Variants in JCAD observed in about 807,000 individuals in gnomAD.
The protein encoded by JCAD is junctional cadherin 5-associated protein.
Under a neutral mutation model 98.0 loss-of-function variants are expected in JCAD, and 40 were observed. The ratio of observed to expected loss-of-function variants is 0.41; its 90% CI spans 0.32 to 0.53. JCAD has a LOEUF of 0.53. Ranked by LOEUF, JCAD falls within the 20% of genes least tolerant of loss-of-function variation. JCAD has a pLI of 0.31. For synonymous variants in JCAD, 691 were observed against 682.3 expected (o/e 1.01, Z -0.20); for missense variants, 1,705 against 1,738.1 (o/e 0.98, Z 0.34).
chr10:30,025,992 C>T (rs1185744277), intron 3 of JCAD, 111 bp downstream of exon 3: 2 of 1,258,066 alleles, frequency 1.6e-6, no homozygotes, highest in African/African-American at 1.5e-5. Flanking sequence ...CCAGGGTCAA[C>T]TTGATCTTTT....
intron 1 of JCAD, among the ~76,000 whole-genome samples, chr10:30,049,932 GT>G (rs1375303209): frequency 2.0e-5 from 3 of 152,166 alleles, no homozygotes; most frequent in African/African-American, 7.2e-5. Flanking sequence ...TTGAAGAATG[GT>G]TAGGAGTTCA....
intron 1 of JCAD, among the ~76,000 whole-genome samples, chr10:30,071,737 C>G (rs1240315669): frequency 1.3e-5 from 2 of 152,064 alleles, no homozygotes; most frequent in Non-Finnish European, 2.9e-5. Context: ...AAGATCGCAC[C>G]ACTGAACTCC....
intron 2 of JCAD, among the ~76,000 whole-genome samples, chr10:30,034,506 T>C (rs1837073075): frequency 6.6e-6 from 1 of 152,180 alleles, no homozygotes; most frequent in South Asian, 2.1e-4. Context: ...AAATTATGTT[T>C]TGAGCATTTG....
rs1416507030 is a variant in JCAD at position 30,059,582 on chromosome 10, T to C, written c.-160A>G. On this transcript the variant is annotated 5_prime_UTR_variant, in exon 1 of 4. It removes an upstream start codon present in the reference 5' UTR. Transcript: ENST00000375377. The surrounding 1 kb of genome is among the most constrained non-coding windows in gnomAD (Gnocchi z 5.0). The stretch of plus-strand genomic sequence containing the variant: ...CGCCTGCAGCCGCCGAGGCCGAGCA[T>C]GCCCGGAGAACCGCCGTCCGCCCCG... 2.3e-5 allele frequency: 3 copies of C among 132,154 alleles called. No individual in the cohort carries two copies. The highest frequency in any genetic ancestry group is 8.1e-5 in the African/African-American group (2 of 24,570). The allele number at this position is 132,154 out of a possible 1,614,324, so 8.2% of individuals were successfully genotyped here. A position where few individuals can be genotyped will look rare whatever the true frequency, so the allele number is the denominator to read the frequency against.
intron 2 of JCAD, among the ~76,000 whole-genome samples, chr10:30,031,562 C>T (rs1348769773): frequency 1.3e-5 from 2 of 150,992 alleles, no homozygotes; most frequent in South Asian, 2.1e-4. Context: ...GTGCCTCAGC[C>T]TCCCGAGTAG....
chr10:30,084,220 GAAGA>G (rs1838132199), intron 1 of JCAD, among the ~76,000 whole-genome samples: 1 of 151,244 alleles, frequency 6.6e-6, no homozygotes, highest in African/African-American at 2.4e-5. Context: ...GGGAAGGAAG[GAAGA>G]AAGGAAGAAA....
rs761245473 is a variant in JCAD at position 30,028,678 on chromosome 10, C to G, written c.1470G>C (p.Leu490=). The G allele has an allele frequency of 1.2e-5, 19 of 1,607,092 alleles. No individual in the cohort carries two copies. In the South Asian group the frequency reaches 2.1e-4, roughly 18 times the overall value. ...ACCGGGGGCTGGAATCGGCCAAGAC[C>G]AGGCCTCTCTCATCCCCCGACGGGG... is the stretch of plus-strand genomic sequence containing the variant. ...LIPPSGDERG[L]VLADSSPRWL... is the part of the protein sequence containing the mutation. Residue 490 remains leucine, a synonymous_variant, in exon 3 of 4, where the codon CTG becomes CTC. Coordinates refer to ENST00000375377, the MANE Select transcript of JCAD (RefSeq NM_020848.4).
At chr10:30,036,462 A>C (rs1057221868) in intron 2 of JCAD, among the ~76,000 whole-genome samples, 3 of 151,330 alleles carry the variant, frequency 2.0e-5, no homozygotes, top group Admixed American at 6.5e-5. Context: ...AAAAAAAAAA[A>C]ACAAAAAAAA....
At chr10:30,075,808 A>C (rs769152105) in intron 1 of JCAD, among the ~76,000 whole-genome samples, 16 of 152,112 alleles carry the variant, frequency 1.1e-4, no homozygotes, top group Non-Finnish European at 2.2e-4. Context: ...ATATCCATGA[A>C]AGGGAGGAAG....
upstream of JCAD, among the ~76,000 whole-genome samples, chr10:30,063,988 G>C (rs1170557949): frequency 1.3e-5 from 2 of 152,050 alleles, no homozygotes; most frequent in African/African-American, 4.8e-5. Context: ...TGCATTTTTA[G>C]TAGAGTTGGG....
chr10:30,032,296 G>A (rs1160107324), intron 2 of JCAD, among the ~76,000 whole-genome samples: 1 of 152,122 alleles, frequency 6.6e-6, no homozygotes, highest in Non-Finnish European at 1.5e-5. Context: ...CCAAATATTT[G>A]GATTTAATTG....
At position 30,056,740 on chromosome 10, in the gene JCAD, G is replaced by A. The variant is rs1025991155; in HGVS notation, c.-60+2742C>T. Among the ~76,000 whole-genome samples the A allele has an allele frequency of 2.6e-5, 4 of 152,160 alleles. No individual in the cohort carries two copies. The East Asian group carries it at 7.7e-4, about 29-fold the overall frequency. Reference sequence around the variant, plus strand: ...AAGCATATCTATAGAAAGTTGTTGGGAAAGATATTTGGTTATAGATAATCC... The same window carrying A: ...AAGCATATCTATAGAAAGTTGTTGGAAAAGATATTTGGTTATAGATAATCC... On this transcript the variant is annotated intron_variant, in intron 1 of 3. Coordinates refer to ENST00000375377, the MANE Select transcript of JCAD (RefSeq NM_020848.4).
intron 1 of JCAD, among the ~76,000 whole-genome samples, chr10:30,076,753 G>A (rs982512295): frequency 8.5e-5 from 13 of 152,154 alleles, no homozygotes; most frequent in Non-Finnish European, 1.8e-4. Flanking sequence ...GCTGTGATGG[G>A]ACCAGCAGAC....
chr10:30,048,634 C>T (rs961106669), intron 1 of JCAD, among the ~76,000 whole-genome samples: 11 of 151,956 alleles, frequency 7.2e-5, no homozygotes, highest in Non-Finnish European at 1.0e-4. Flanking sequence ...GGCATGATCT[C>T]GACTGCCTGC....
chr10:30,033,156 C>T (rs1837037359), intron 2 of JCAD, among the ~76,000 whole-genome samples: 2 of 152,180 alleles, frequency 1.3e-5, no homozygotes, highest in Admixed American at 1.3e-4. Context: ...TGTGAAAGAG[C>T]TCTAAGCCAA....
Position 30,028,425 on chromosome 10 carries a change from T to C in JCAD, c.1723A>G (p.Met575Val). 1 of 1,614,138 alleles carries C rather than the reference T, an allele frequency of 6.2e-7. No individual in the cohort carries two copies. The highest frequency in any genetic ancestry group is 2.2e-5 in the East Asian group (1 of 44,892). ...ACCAAGCAAAATATAGTCTCGTTCATTTTTTTCTTTGAACTTTTCTTGGTC... is the reference window on the plus strand; with the variant it reads ...ACCAAGCAAAATATAGTCTCGTTCACTTTTTTCTTTGAACTTTTCTTGGTC... ...TRTKKSSKKK[M>V]NETIFCLVSI... Residue 575 changes from methionine to valine, a missense_variant, in exon 3 of 4, where the codon ATG (methionine) becomes GTG (valine). By Grantham distance (21) the Met-to-Val change is conservative. This residue lies in a region of JCAD where 1,278 missense variants were observed against 1,243.1 expected (regional missense o/e 1.03). Coordinates refer to ENST00000375377, the MANE Select transcript of JCAD (RefSeq NM_020848.4).
At chr10:30,095,097 C>G (rs1838347454) in intron 1 of JCAD, among the ~76,000 whole-genome samples, 2 of 152,148 alleles carry the variant, frequency 1.3e-5, no homozygotes, top group Admixed American at 1.3e-4. Context: ...CCTTAGCATC[C>G]CTCTGGCCCT....
chr10:30,024,761 T>C (rs1408987265), intron 3 of JCAD, among the ~76,000 whole-genome samples: 1 of 139,312 alleles, frequency 7.2e-6, no homozygotes, highest in Non-Finnish European at 1.5e-5. Flanking sequence ...AGAGGCACAA[T>C]CTCGGCTCAC....
intron 2 of JCAD, among the ~76,000 whole-genome samples, chr10:30,064,883 G>A (rs1166104026): frequency 6.6e-6 from 1 of 152,200 alleles, no homozygotes; most frequent in Non-Finnish European, 1.5e-5. Context: ...TGTTGGTCAG[G>A]CTGGTCTCGA....
Sources: gnomAD v4.1 joint callset for allele counts (sites outside exome capture counted in the v4.1 genomes callset) on GRCh38, gnomAD v4.1.1 for gene constraint, gnomAD v4.1.1 regional missense constraint, Gnocchi (gnomAD v3.1) non-coding constraint, MANE v1.5 for transcripts, NCBI Gene and HGNC (gene_info 2026-07-23, HGNC 2026-07-21) for gene names.